Variants in PREX2 observed in about 807,000 individuals in gnomAD.
The protein encoded by PREX2 is phosphatidylinositol 3,4,5-trisphosphate-dependent Rac exchanger 2 protein.
In PREX2, 107 loss-of-function variants were observed where a neutral mutation model predicts 203.2. The observed-to-expected ratio is 0.53, with a 90% CI of 0.45 to 0.62. PREX2 has a LOEUF of 0.62. PREX2 is among the 20% of genes least tolerant of loss of function. The pLI is 0.00. For missense variants in PREX2, 1,777 were observed against 1,955.9 expected (o/e 0.91, Z 1.72); for synonymous variants, 672 against 663.6 (o/e 1.01, Z -0.19).
chr8:68,017,752 G>T, intron 1 of PREX2, 94 bp from the exon 2 acceptor site: 8 of 978,750 alleles, frequency 8.2e-6, no homozygotes, highest in Non-Finnish European at 1.3e-5. Flanking sequence ...TTTACACTTT[G>T]GTTTGTTGTA....
chr8:68,094,616 A>G (rs1810000228), intron 21 of PREX2, among the ~76,000 whole-genome samples: 1 of 152,220 alleles, frequency 6.6e-6, no homozygotes, highest in South Asian at 2.1e-4. Flanking sequence ...GTCTCTGGAT[A>G]TCTTTGTTAC....
At chr8:68,150,638 G>A (rs1313138444) in intron 34 of PREX2, among the ~76,000 whole-genome samples, 1 of 152,150 alleles carries the variant, frequency 6.6e-6, no homozygotes, top group Non-Finnish European at 1.5e-5. Context: ...GATTAGGGTG[G>A]AGCAGCTTTG....
intron 37 of PREX2, among the ~76,000 whole-genome samples, chr8:68,202,209 A>G (rs571807291): frequency 1.3e-5 from 2 of 152,214 alleles, no homozygotes; most frequent in African/African-American, 4.8e-5. Flanking sequence ...CAGGTAGCAC[A>G]TATTTTTAAA....
rs1430316051 is a variant in PREX2 at position 68,053,255 on chromosome 8, A to G, written c.1093+9A>G. ...AAGAGAACGGCGGAAAGGTGGGTGT[A>G]TGAATTGGGCGCTGTTACACTTTGT... On this transcript the variant is annotated intron_variant, in intron 9 of 39. Transcript: ENST00000288368. 7.4e-6 allele frequency: 12 copies of G among 1,613,064 alleles called. No individual in the cohort carries two copies. Among genetic ancestry groups the G allele is most frequent in the East Asian group, 2.2e-5 (1 of 44,848 alleles).
intron 1 of PREX2, among the ~76,000 whole-genome samples, chr8:67,961,715 T>C (rs4576414): frequency 0.23 from 34,812 of 152,136 alleles, 4,891 homozygotes; most frequent in East Asian, 0.54. Flanking sequence ...GAAAATGATA[T>C]GTTAATTTGA....
At chr8:68,015,218 T>C (rs1469900097) in intron 1 of PREX2, among the ~76,000 whole-genome samples, 1 of 152,220 alleles carries the variant, frequency 6.6e-6, no homozygotes, top group Non-Finnish European at 1.5e-5. Flanking sequence ...AAATTACCTA[T>C]TTATTCCTAG....
chr8:68,040,557 G>A (rs1209540459), intron 7 of PREX2, among the ~76,000 whole-genome samples: 1 of 152,012 alleles, frequency 6.6e-6, no homozygotes, highest in East Asian at 1.9e-4. Context: ...AGATTTCCAT[G>A]GCCAGATTCT....
chr8:68,217,654 T>C lies in PREX2; in HGVS notation c.4643T>C (p.Leu1548Pro). 6.2e-7 allele frequency: 1 copy of C among 1,614,162 alleles called. No homozygotes were observed. The change falls in exon 38 of 40, where the codon CTG (leucine) becomes CCG (proline). Residue 1548 changes from leucine to proline, a missense_variant. Transcript: ENST00000288368. ...LSVTLEQAII[L>P]ARSHGLPPRY... The stretch of plus-strand genomic sequence containing the variant: ...GTGACGCTGGAGCAAGCCATCATTC[T>C]GGCCAGAAGCCACGGACTGCCACCT...
intron 35 of PREX2, among the ~76,000 whole-genome samples, chr8:68,188,254 CA>C (rs1258315580): frequency 2.0e-5 from 3 of 151,970 alleles, no homozygotes; most frequent in Non-Finnish European, 4.4e-5. Context: ...ATCCTGGGCA[CA>C]AAACCATTTT....
intron 19 of PREX2, among the ~76,000 whole-genome samples, chr8:68,089,230 GT>G (rs5892131): frequency 0.46 from 69,935 of 151,222 alleles, 16,634 homozygotes; most frequent in African/African-American, 0.56. Flanking sequence ...GACTGTCATG[GT>G]TATTGAATTA....
chr8:68,080,667 T>A (rs1376317575), intron 16 of PREX2, 79 bp from the exon 17 acceptor site: 8 of 1,427,740 alleles, frequency 5.6e-6, no homozygotes, highest in Non-Finnish European at 7.8e-6. Context: ...TTGACGGTGA[T>A]GCACATTACT....
intron 36 of PREX2, 70 bp from the exon 37 acceptor site, chr8:68,192,265 C>T (rs1042815606): frequency 8.4e-6 from 10 of 1,193,244 alleles, no homozygotes; most frequent in Non-Finnish European, 1.2e-5. Context: ...TCTTTAACAG[C>T]TATACCAACC....
chr8:68,038,097 ATAAT>A (rs1808087995), intron 6 of PREX2, 58 bp from the exon 7 acceptor site: 2 of 1,537,268 alleles, frequency 1.3e-6, no homozygotes, highest in Admixed American at 3.8e-5. Context: ...AAGTCGAAAA[ATAAT>A]TATTTACAGA....
rs767746229 is a variant in PREX2, at chr8:68,027,182, T to A, written c.442-40T>A. 5.6e-6 allele frequency: 8 copies of A among 1,418,568 alleles called. No individual in the cohort carries two copies. In the South Asian group the frequency reaches 9.2e-5, roughly 16 times the overall value. 87.9% of individuals were successfully genotyped at this position (1,418,568 alleles called of 1,614,324 possible). A position where few individuals can be genotyped will look rare whatever the true frequency, so the allele number is the denominator to read the frequency against. On this transcript the variant is annotated intron_variant, in intron 4 of 39. Transcript: ENST00000288368. ...TGGAAGAAAGTTTCACAGCGTGAGA[T>A]TATTAAAGATGTAATTAATTTTGAT...
At chr8:68,164,697 C>T (rs2129614069) in intron 35 of PREX2, among the ~76,000 whole-genome samples, 1 of 151,514 alleles carries the variant, frequency 6.6e-6, no homozygotes, top group Non-Finnish European at 1.5e-5. Flanking sequence ...ATTCTCCTGC[C>T]TCAGCCTCCC....
chr8:67,979,568 A>G (rs1366047400), intron 1 of PREX2, among the ~76,000 whole-genome samples: 1 of 152,210 alleles, frequency 6.6e-6, no homozygotes, highest in Non-Finnish European at 1.5e-5. Flanking sequence ...GCTCTTGGAC[A>G]AAAATAAATG....
intron 31 of PREX2, among the ~76,000 whole-genome samples, chr8:68,129,357 A>G (rs1169238320): frequency 1.3e-5 from 2 of 151,938 alleles, no homozygotes; most frequent in African/African-American, 4.8e-5. Flanking sequence ...TTATTTTTCT[A>G]TTCCTCTTAT....
chr8:68,167,466 T>C (rs1811787085), intron 35 of PREX2, among the ~76,000 whole-genome samples: 1 of 151,996 alleles, frequency 6.6e-6, no homozygotes, highest in Non-Finnish European at 1.5e-5. Context: ...CCCCAGTAGC[T>C]GGGACTATAG....
At chr8:68,164,490 T>C (rs1333713173) in intron 35 of PREX2, among the ~76,000 whole-genome samples, 1 of 151,794 alleles carries the variant, frequency 6.6e-6, no homozygotes. Flanking sequence ...AGCATCCTTT[T>C]AAAAAATACA....
Sources: allele counts gnomAD v4.1 joint callset (sites outside exome capture counted in the v4.1 genomes callset), GRCh38; gene constraint gnomAD v4.1.1; transcripts MANE v1.5; gene names NCBI Gene and HGNC (gene_info 2026-07-23, HGNC 2026-07-21).